The following FRMD7 variants were observed in gnomAD, a reference collection of about 807,000 sequenced individuals.
FRMD7 encodes FERM domain containing 7, also known as FERM domain-containing protein 7.
FRMD7 carries 14 observed loss-of-function variants against 44.1 expected under a neutral mutation model. The observed-to-expected ratio is 0.32, with a 90% CI of 0.21 to 0.50. FRMD7 has a LOEUF of 0.50. FRMD7 is among the 20% of genes least tolerant of loss of function. The probability of loss-of-function intolerance (pLI) is 0.99; values close to 1 mark genes in which losing one functional copy is unlikely to be tolerated. For missense variants in FRMD7, 501 were observed against 522.3 expected (o/e 0.96, Z 0.40); for synonymous variants, 212 against 187.4 (o/e 1.13, Z -1.07).
chrX:132,093,062 C>G (rs963409099), intron 5 of FRMD7, among the ~76,000 whole-genome samples: 5 of 111,569 alleles, frequency 4.5e-5, no homozygotes, highest in African/African-American at 1.6e-4. Context: ...TCTCCAACAG[C>G]CTTCCATGAT....
intron 1 of FRMD7, among the ~76,000 whole-genome samples, chrX:132,116,782 C>G (rs1433450593): frequency 9.0e-6 from 1 of 111,664 alleles, no homozygotes; most frequent in Non-Finnish European, 1.9e-5. Flanking sequence ...TTACCTATGT[C>G]ACAAACCTGT....
In FRMD7 at chrX:132,110,519, C is replaced by T. The variant is rs144712308; in HGVS notation, c.58-9803G>A. The stretch of plus-strand genomic sequence containing the variant: ...TGGGATAAGGGTTTGCGTCCATCAT[C>T]GCTGAGTTTAGGCTTCATTTTACCG... On this transcript the variant is annotated intron_variant, in intron 1 of 11. Coordinates refer to ENST00000298542, the MANE Select transcript of FRMD7 (RefSeq NM_194277.3). 6.8e-3 allele frequency among the ~76,000 whole-genome samples: 761 copies of T among 111,618 alleles called. 5 individuals carry two copies. The highest frequency in any genetic ancestry group is 0.013 in the South Asian group (34 of 2,630).
At chrX:132,106,696 A>C (rs2124261891) in intron 1 of FRMD7, among the ~76,000 whole-genome samples, 1 of 112,632 alleles carries the variant, frequency 8.9e-6, no homozygotes, top group South Asian at 3.7e-4. Flanking sequence ...CAGCCATAAA[A>C]AAGAACAGGA....
chrX:132,078,489 G>A lies in FRMD7; in HGVS notation c.1528C>T (p.Pro510Ser), dbSNP rs1164957994. 1 of 1,209,954 alleles carries A rather than the reference G, an allele frequency of 8.3e-7. No individual in the cohort carries two copies. Among genetic ancestry groups the A allele is most frequent in the South Asian group, 1.8e-5 (1 of 56,925 alleles). ...CTTGTCCTTTCCTCTGCTCTAATTGGGGACCATCTGGGCACCTGGGGTGGC... is the reference window on the plus strand; with the variant it reads ...CTTGTCCTTTCCTCTGCTCTAATTGAGGACCATCTGGGCACCTGGGGTGGC... ...DKPPQVPRWS[P>S]IRAEERTSPH... Residue 510 changes from proline (P) to serine (S), a missense_variant, in exon 12 of 12, where the codon CCA becomes TCA. Transcript: ENST00000298542.
chrX:132,092,126 A>G (rs1437684302), intron 5 of FRMD7, among the ~76,000 whole-genome samples: 2 of 112,032 alleles, frequency 1.8e-5, no homozygotes, highest in Non-Finnish European at 3.8e-5. Context: ...GGCATGTGGT[A>G]GGTACATGAT....
chrX:132,107,604 G>GGAGAGAGAGAGAGAGAGAGAGAGAGA lies in FRMD7; in HGVS notation c.58-6914_58-6889dup, dbSNP rs749047439. Reference sequence around the variant, plus strand: ...CCTTTTCACTATATTTCTACATGGTGGAGAGAGAGAGAGAGAGAGAGAGAG... The same window carrying GGAGAGAGAGAGAGAGAGAGAGAGAGA: ...CCTTTTCACTATATTTCTACATGGTGGAGAGAGAGAGAGAGAGAGAGAGAGAGAGAGAGAGAGAGAGAGAGAGAGAG... On this transcript the variant is annotated intron_variant, in intron 1 of 11. Coordinates refer to ENST00000298542, the MANE Select transcript of FRMD7 (RefSeq NM_194277.3). 8.1e-3 allele frequency among the ~76,000 whole-genome samples: 739 copies of GGAGAGAGAGAGAGAGAGAGAGAGAGA among 90,906 alleles called. 16 individuals are homozygous for GGAGAGAGAGAGAGAGAGAGAGAGAGA. Among genetic ancestry groups the GGAGAGAGAGAGAGAGAGAGAGAGAGA allele is most frequent in the African/African-American group, 0.027 (610 of 22,647 alleles). The allele number at this position is 90,906 out of a possible 115,157, so 78.9% of individuals were successfully genotyped here.
chrX:132,078,463 A>G lies in FRMD7; in HGVS notation c.1554T>C (p.Ser518=). 1 of 1,210,897 alleles carries G rather than the reference A, an allele frequency of 8.3e-7. No individual in the cohort carries two copies. Among genetic ancestry groups the G allele is most frequent in the Non-Finnish European group, 1.1e-6 (1 of 895,114 alleles). Residue 518 remains serine (S), a synonymous_variant, in exon 12 of 12, where the codon AGT becomes AGC. Coordinates refer to ENST00000298542, the MANE Select transcript of FRMD7 (RefSeq NM_194277.3). ...CAGTGGGCTCTACATAGCTATGTGG[A>G]CTTGTCCTTTCCTCTGCTCTAATTG... The part of the protein sequence containing the change: ...WSPIRAEERT[S]PHSYVEPTAM...
chrX:132,113,447 C>A (rs1004715736), intron 1 of FRMD7, among the ~76,000 whole-genome samples: 3 of 111,280 alleles, frequency 2.7e-5, no homozygotes, highest in Non-Finnish European at 3.8e-5. Flanking sequence ...AGGTTAATGG[C>A]AGACCTGGGA....
intron 1 of FRMD7, among the ~76,000 whole-genome samples, chrX:132,122,421 A>G (rs1465022159): frequency 1.8e-5 from 2 of 111,705 alleles, no homozygotes; most frequent in African/African-American, 6.5e-5. Context: ...AAAACCAATC[A>G]TTATCCCTTC....
At chrX:132,106,018 A>C (rs1928639078) in intron 1 of FRMD7, among the ~76,000 whole-genome samples, 1 of 112,232 alleles carries the variant, frequency 8.9e-6, no homozygotes, top group African/African-American at 3.2e-5. Flanking sequence ...GTGAGATCTA[A>C]TTAAACTTAA....
At chrX:132,126,160 A>C (rs1356886052) in intron 1 of FRMD7, among the ~76,000 whole-genome samples, 1 of 111,352 alleles carries the variant, frequency 9.0e-6, no homozygotes, top group Non-Finnish European at 1.9e-5. Context: ...CTATTGGATG[A>C]TTGAATGCTA....
chrX:132,094,241 C>T (rs1395296170), intron 4 of FRMD7, 102 bp from the exon 5 acceptor site: 1 of 570,411 alleles, frequency 1.8e-6, no homozygotes, highest in Non-Finnish European at 3.0e-6. Flanking sequence ...GGAATGGTGC[C>T]CCCAGTCAGT....
chrX:132,124,770 A>T (rs1254680647), intron 1 of FRMD7, among the ~76,000 whole-genome samples: 3 of 111,868 alleles, frequency 2.7e-5, no homozygotes, highest in Non-Finnish European at 5.6e-5. Context: ...AGGAATAACC[A>T]AGGCCAAAAT....
intron 1 of FRMD7, among the ~76,000 whole-genome samples, chrX:132,122,665 C>T (rs988860807): frequency 2.7e-5 from 3 of 112,188 alleles, no homozygotes; most frequent in African/African-American, 6.5e-5. Flanking sequence ...GCTGCAATAT[C>T]GATGTTTGGG....
At chrX:132,082,187 T>C (rs1313254476) in intron 9 of FRMD7, among the ~76,000 whole-genome samples, 176 bp downstream of exon 9, 1 of 112,088 alleles carries the variant, frequency 8.9e-6, no homozygotes, top group African/African-American at 3.2e-5. Flanking sequence ...TCCTCCCTCC[T>C]AGTTAGAAAA....
chrX:132,120,223 A>T lies in FRMD7; in HGVS notation c.57+7565T>A, dbSNP rs138345052. Among the ~76,000 whole-genome samples, 25 of 112,845 alleles carry T rather than the reference A, an allele frequency of 2.2e-4. No individual in the cohort carries two copies. In the East Asian group the frequency reaches 7.0e-3, roughly 32 times the overall value. On this transcript the variant is annotated intron_variant, in intron 1 of 11. Coordinates refer to ENST00000298542, the MANE Select transcript of FRMD7 (RefSeq NM_194277.3). Reference sequence around the variant, plus strand: ...TTAGAGTAATACATTTGTGTTTGTGACAGGTCAAAACAATGATGCAAATGC... The same window carrying T: ...TTAGAGTAATACATTTGTGTTTGTGTCAGGTCAAAACAATGATGCAAATGC...
Position 132,078,227 on chromosome X carries a change from T to G in FRMD7, c.1790A>C (p.Lys597Thr). Residue 597 changes from lysine (K) to threonine (T), a missense_variant, in exon 12 of 12, where the codon AAA becomes ACA. By Grantham distance (78) the Lys-to-Thr change is moderately conservative (BLOSUM62 -1). Coordinates refer to ENST00000298542, the MANE Select transcript of FRMD7 (RefSeq NM_194277.3). Reference sequence around the variant, plus strand: ...TGACCCAAAAGGAAAACGAATAGTTTTCATGTCTGATTGGCTCTGGGACCT... The same window carrying G: ...TGACCCAAAAGGAAAACGAATAGTTGTCATGTCTGATTGGCTCTGGGACCT... ...PKRSQSQSDM[K>T]TIRFPFGSEF... 8.3e-7 allele frequency: 1 copy of G among 1,211,647 alleles called. No homozygotes were observed. Among genetic ancestry groups the G allele is most frequent in the Non-Finnish European group, 1.1e-6 (1 of 895,354 alleles).
At chrX:132,082,818 G>A (rs1032077194) in intron 8 of FRMD7, among the ~76,000 whole-genome samples, 3 of 112,469 alleles carry the variant, frequency 2.7e-5, no homozygotes, top group African/African-American at 9.7e-5. Flanking sequence ...ACATTTTTAT[G>A]AAGTAAATTA....
Position 132,127,934 on chromosome X carries a change from C to A in FRMD7, c.-90G>T. On this transcript the variant is annotated 5_prime_UTR_variant, in exon 1 of 12. An upstream open reading frame in the 5' UTR gains an earlier in-frame stop. Coordinates refer to ENST00000298542, the MANE Select transcript of FRMD7 (RefSeq NM_194277.3). ...CACTCCCAGCTGGATGTGGTGCACT[C>A]GGGCCCCCCCACCCCCAGCCAGGCA... 1.2e-5 allele frequency: 9 copies of A among 750,243 alleles called. No individual in the cohort carries two copies. The highest frequency in any genetic ancestry group is 1.9e-5 in the Non-Finnish European group (9 of 477,284). The allele number at this position is 750,243 out of a possible 1,213,427, so 61.8% of individuals were successfully genotyped here. A position where few individuals can be genotyped will look rare whatever the true frequency, so the allele number is the denominator to read the frequency against.
Sources: gnomAD v4.1 joint callset for allele counts (sites outside exome capture counted in the v4.1 genomes callset) on GRCh38, gnomAD v4.1.1 for gene constraint, MANE v1.5 for transcripts, NCBI Gene and HGNC (gene_info 2026-07-23, HGNC 2026-07-21) for gene names.